RAB22A: variants seen among roughly 807,000 people sequenced by gnomAD.
The protein encoded by RAB22A is ras-related protein Rab-22A.
In RAB22A, 13 loss-of-function variants were observed where a neutral mutation model predicts 30.2. The observed-to-expected ratio is 0.43, with a 90% CI of 0.28 to 0.68. The LOEUF is 0.68. Ranked by LOEUF, RAB22A falls within the 30% of genes least tolerant of loss-of-function variation. The probability of loss-of-function intolerance (pLI) is 0.18; values close to 1 mark genes in which losing one functional copy is unlikely to be tolerated. For synonymous variants in RAB22A, 89 were observed against 87.2 expected (o/e 1.02, Z -0.11); for missense variants, 177 against 246.8 (o/e 0.72, Z 1.89).
intron 2 of RAB22A, among the ~76,000 whole-genome samples, chr20:58,329,291 G>A (rs1432472931): frequency 1.3e-5 from 2 of 152,142 alleles, no homozygotes; most frequent in Non-Finnish European, 2.9e-5. Context: ...CTGACCTCGT[G>A]ATCTGCCTGC....
Position 58,359,596 on chromosome 20 carries a change from C to T in RAB22A, c.488-10C>T. On this transcript the variant is annotated splice_polypyrimidine_tract_variant and intron_variant, in intron 6 of 6. Transcript: ENST00000244040. ...AGCTCACTCCCTTCCCTTTTCTCAT[C>T]TTGGTTTAGGTCGAAGAATTCCATC... is the stretch of plus-strand genomic sequence containing the variant. 1 of 1,577,040 alleles carries T rather than the reference C, an allele frequency of 6.3e-7. No individual in the cohort carries two copies. Among genetic ancestry groups the T allele is most frequent in the South Asian group, 1.1e-5 (1 of 89,774 alleles).
intron 1 of RAB22A, among the ~76,000 whole-genome samples, chr20:58,310,566 T>C (rs2122915824): frequency 6.6e-6 from 1 of 152,312 alleles, no homozygotes; most frequent in South Asian, 2.1e-4. Context: ...CTTCCTGTCT[T>C]GTCAGGAAAG....
intron 3 of RAB22A, 47 bp from the exon 4 acceptor site, chr20:58,353,226 T>G: frequency 1.3e-6 from 2 of 1,517,282 alleles, no homozygotes; most frequent in East Asian, 2.3e-5. Flanking sequence ...ATAAAACATA[T>G]TTAACCAGTT....
In RAB22A at chr20:58,363,016, A is replaced by G. The variant is rs1987254394; in HGVS notation, c.*3313A>G. 6.6e-6 allele frequency: 1 copy of G among 152,222 alleles called. No homozygotes were observed. Among genetic ancestry groups the G allele is most frequent in the African/African-American group, 2.4e-5 (1 of 41,460 alleles). 9.4% of individuals were successfully genotyped at this position (152,222 alleles called of 1,614,324 possible). A position where few individuals can be genotyped will look rare whatever the true frequency, so the allele number is the denominator to read the frequency against. On this transcript the variant is annotated 3_prime_UTR_variant, in exon 7 of 7. Coordinates refer to ENST00000244040, the MANE Select transcript of RAB22A (RefSeq NM_020673.3). ...TGTATGTATTTCTTTTCTGTTCTCAAGGAGGAAAATTGGTCTAGGAAGCCT... is the reference window on the plus strand; with the variant it reads ...TGTATGTATTTCTTTTCTGTTCTCAGGGAGGAAAATTGGTCTAGGAAGCCT...
Position 58,309,947 on chromosome 20 carries a change from C to T in RAB22A, c.-30C>T. 3 of 1,262,840 alleles carry T rather than the reference C, an allele frequency of 2.4e-6. No homozygotes were observed. The highest frequency in any genetic ancestry group is 3.0e-6 in the Non-Finnish European group (3 of 996,360). The allele number at this position is 1,262,840 out of a possible 1,614,324, so 78.2% of individuals were successfully genotyped here. A position where few individuals can be genotyped will look rare whatever the true frequency, so the allele number is the denominator to read the frequency against. On this transcript the variant is annotated 5_prime_UTR_variant, in exon 1 of 7. Coordinates refer to ENST00000244040, the MANE Select transcript of RAB22A (RefSeq NM_020673.3). ...CCTCTCCCTTCTCAACTTAGGGCGG[C>T]GGCGGGCCCGCGCCCCTGGCTCCCG...
intron 6 of RAB22A, among the ~76,000 whole-genome samples, chr20:58,357,531 C>T (rs1987151654): frequency 6.6e-6 from 1 of 152,134 alleles, no homozygotes; most frequent in Non-Finnish European, 1.5e-5. Context: ...TTTTAGAAAT[C>T]ATTACCTGTT....
At chr20:58,320,934 G>A (rs1018322848) in intron 2 of RAB22A, among the ~76,000 whole-genome samples, 1 of 152,062 alleles carries the variant, frequency 6.6e-6, no homozygotes, top group Non-Finnish European at 1.5e-5. Context: ...GCTCACGCCT[G>A]TAATCCCAGC....
rs1389530595 is a variant in RAB22A at position 58,350,755 on chromosome 20, A to T, written c.199-2518A>T. On this transcript the variant is annotated intron_variant, in intron 3 of 6. Transcript: ENST00000244040. ...AGAAATCAACAGCAGCTGTCCCAGA[A>T]GGTTTTTCACACTAAAGGAAAATGA... Among the ~76,000 whole-genome samples the T allele has an allele frequency of 3.9e-5, 6 of 152,352 alleles. No individual in the cohort carries two copies. The East Asian group carries it at 1.2e-3, about 29-fold the overall frequency.
chr20:58,330,219 A>G (rs1332122155), intron 2 of RAB22A, among the ~76,000 whole-genome samples: 2 of 152,180 alleles, frequency 1.3e-5, no homozygotes, highest in Non-Finnish European at 2.9e-5. Flanking sequence ...ATACTGAAGG[A>G]TGACTATTCT....
chr20:58,323,559 C>T (rs1054788139), intron 2 of RAB22A, among the ~76,000 whole-genome samples: 1 of 151,558 alleles, frequency 6.6e-6, no homozygotes, highest in African/African-American at 2.4e-5. Context: ...ACCATCATAC[C>T]ATTATGTTTG....
intron 3 of RAB22A, among the ~76,000 whole-genome samples, chr20:58,350,489 G>A (rs1305489155): frequency 2.0e-5 from 3 of 152,132 alleles, no homozygotes; most frequent in Non-Finnish European, 2.9e-5. Context: ...ATCTAGGTAA[G>A]TCGTAGTCAA....
chr20:58,344,611 C>T (rs943820258), intron 3 of RAB22A, among the ~76,000 whole-genome samples: 1 of 152,168 alleles, frequency 6.6e-6, no homozygotes, highest in Non-Finnish European at 1.5e-5. Context: ...TCAAACAGTA[C>T]GATCCAAACA....
chr20:58,316,310 T>C (rs1986337548), intron 2 of RAB22A, among the ~76,000 whole-genome samples: 1 of 152,114 alleles, frequency 6.6e-6, no homozygotes, highest in Non-Finnish European at 1.5e-5. Flanking sequence ...GACACTTTGC[T>C]TCGGTCTCCT....
intron 2 of RAB22A, among the ~76,000 whole-genome samples, chr20:58,332,815 G>C (rs1600730787): frequency 6.6e-6 from 1 of 152,122 alleles, no homozygotes; most frequent in East Asian, 1.9e-4. Context: ...GTATATCATA[G>C]TCAAACTGCT....
intron 6 of RAB22A, 84 bp from the exon 7 acceptor site, chr20:58,359,521 TG>T: frequency 1.4e-6 from 1 of 738,820 alleles, no homozygotes; most frequent in Non-Finnish European, 2.1e-6. Context: ...TTTACTTCAG[TG>T]AAACCTGTCA....
intron 3 of RAB22A, among the ~76,000 whole-genome samples, chr20:58,344,326 A>G (rs564836497): frequency 3.9e-5 from 6 of 152,330 alleles, no homozygotes; most frequent in African/African-American, 1.4e-4. Context: ...AAGAGCCTGA[A>G]CCAGAAGCGG....
chr20:58,330,905 G>A (rs1164700875), intron 2 of RAB22A, among the ~76,000 whole-genome samples: 4 of 152,144 alleles, frequency 2.6e-5, no homozygotes, highest in Admixed American at 2.6e-4. Context: ...TGCAATTATA[G>A]GAATCAGCTG....
intron 2 of RAB22A, among the ~76,000 whole-genome samples, chr20:58,314,751 G>C (rs1219854575): frequency 2.0e-5 from 3 of 152,048 alleles, no homozygotes; most frequent in African/African-American, 4.8e-5. Flanking sequence ...TGAGACAGGA[G>C]AATTGCTTAA....
intron 6 of RAB22A, 88 bp downstream of exon 6, chr20:58,354,353 G>C: frequency 3.5e-6 from 3 of 859,104 alleles, no homozygotes; most frequent in Non-Finnish European, 5.4e-6. Flanking sequence ...GTCTTACTTA[G>C]AGCAGTCTAG....
Sources: gnomAD v4.1 joint callset for allele counts (sites outside exome capture counted in the v4.1 genomes callset) on GRCh38, gnomAD v4.1.1 for gene constraint, MANE v1.5 for transcripts, NCBI Gene and HGNC (gene_info 2026-07-23, HGNC 2026-07-21) for gene names.